Variants in SLIT3 observed in about 807,000 individuals in gnomAD.
SLIT3 encodes slit guidance ligand 3.
In SLIT3, 68 loss-of-function variants were observed where a neutral mutation model predicts 184.0. That is an observed-to-expected ratio of 0.37 (90% confidence interval 0.30 to 0.45). The LOEUF (loss-of-function observed/expected upper bound fraction) is 0.45, where lower values mean the gene tolerates loss of function less well. Ranked by LOEUF, SLIT3 falls within the 20% of genes least tolerant of loss-of-function variation. SLIT3 has a pLI of 1.00. For missense variants in SLIT3, 1,707 were observed against 2,026.0 expected (o/e 0.84, Z 3.02); for synonymous variants, 831 against 828.6 (o/e 1.00, Z -0.05).
chr5:169,019,992 C>A (rs1049041467), intron 4 of SLIT3, among the ~76,000 whole-genome samples: 1 of 152,118 alleles, frequency 6.6e-6, no homozygotes, highest in Admixed American at 6.5e-5. Flanking sequence ...AAATAAAGGC[C>A]ATTTCTCAGG....
chr5:168,872,637 C>CTT (rs1451310196), intron 5 of SLIT3, among the ~76,000 whole-genome samples: 2 of 111,134 alleles, frequency 1.8e-5, no homozygotes, highest in African/African-American at 3.4e-5. Context: ...TCTTCTTCTT[C>CTT]TTCTTTTTTT....
At chr5:169,272,086 C>A (rs979942721) in intron 1 of SLIT3, among the ~76,000 whole-genome samples, 1 of 152,208 alleles carries the variant, frequency 6.6e-6, no homozygotes, top group Admixed American at 6.5e-5. Context: ...TATAGGAGGC[C>A]CATGGGTAAG....
At chr5:169,226,371 T>C (rs1167416636) in intron 3 of SLIT3, among the ~76,000 whole-genome samples, 3 of 151,876 alleles carry the variant, frequency 2.0e-5, no homozygotes, top group Non-Finnish European at 2.9e-5. Flanking sequence ...ACTTCCAGGA[T>C]TGAACAAAAA....
At chr5:169,199,759 A>G (rs1353012402) in intron 3 of SLIT3, among the ~76,000 whole-genome samples, 2 of 152,194 alleles carry the variant, frequency 1.3e-5, no homozygotes, top group African/African-American at 4.8e-5. Flanking sequence ...GCTCTTACCT[A>G]CTATGTGTAG....
rs189772128 is a variant in SLIT3, at chr5:169,240,391, G to T, written c.341+4314C>A. ...TTTTTTTTTAGTTCTGTCAATATTT[G>T]CTTTCCATATTTTCAGGCTATGTTT... On this transcript the variant is annotated intron_variant, in intron 3 of 35. Transcript: ENST00000519560. Among the ~76,000 whole-genome samples the T allele has an allele frequency of 1.9e-3, 286 of 150,812 alleles. 2 individuals carry two copies. Among genetic ancestry groups the T allele is most frequent in the African/African-American group, 6.4e-3 (262 of 41,216 alleles).
At chr5:168,827,862 T>G (rs1288080611) in intron 6 of SLIT3, among the ~76,000 whole-genome samples, 1 of 152,244 alleles carries the variant, frequency 6.6e-6, no homozygotes, top group Non-Finnish European at 1.5e-5. Flanking sequence ...AAACTGGTTT[T>G]ACGCATTCAC....
Position 169,002,841 on chromosome 5 carries a change from T to C in SLIT3, c.414-119505A>G, listed in dbSNP as rs118080650. The stretch of plus-strand genomic sequence containing the variant: ...TACCTTATCCATTAATGACTCTTAT[T>C]TAAACATCTGTTTTATCCTCACCTT... On this transcript the variant is annotated intron_variant, in intron 4 of 35. Transcript: ENST00000519560. 3.5e-3 allele frequency among the ~76,000 whole-genome samples: 528 copies of C among 152,372 alleles called. 2 individuals carry two copies. Among genetic ancestry groups the C allele is most frequent in the Non-Finnish European group, 5.5e-3 (377 of 68,032 alleles).
chr5:169,139,296 G>T (rs1053195612), intron 4 of SLIT3, among the ~76,000 whole-genome samples: 14 of 152,208 alleles, frequency 9.2e-5, no homozygotes, highest in African/African-American at 3.4e-4. Context: ...AAGGATCCAA[G>T]AAGCACTATT....
At chr5:169,092,732 G>C (rs1193157453) in intron 4 of SLIT3, among the ~76,000 whole-genome samples, 1 of 152,192 alleles carries the variant, frequency 6.6e-6, no homozygotes, top group Non-Finnish European at 1.5e-5. Context: ...CAGCACCAGT[G>C]GTGGCAGTGC....
At chr5:168,836,868 C>G (rs1462893736) in intron 6 of SLIT3, among the ~76,000 whole-genome samples, 2 of 152,228 alleles carry the variant, frequency 1.3e-5, no homozygotes, top group East Asian at 3.9e-4. Context: ...TTTTGGTTAA[C>G]AGGAAAGTGA....
chr5:168,996,321 G>A (rs1176897749), intron 4 of SLIT3, among the ~76,000 whole-genome samples: 2 of 152,270 alleles, frequency 1.3e-5, no homozygotes, highest in South Asian at 2.1e-4. Context: ...GGACATCTGA[G>A]CTCCAACTAT....
At chr5:169,209,743 C>T (rs1489576438) in intron 3 of SLIT3, among the ~76,000 whole-genome samples, 1 of 151,968 alleles carries the variant, frequency 6.6e-6, no homozygotes, top group African/African-American at 2.4e-5. Flanking sequence ...GGGAGTTGAA[C>T]AACGAGAACA....
At chr5:169,043,283 C>T (rs1318251022) in intron 4 of SLIT3, among the ~76,000 whole-genome samples, 2 of 152,176 alleles carry the variant, frequency 1.3e-5, no homozygotes, top group African/African-American at 4.8e-5. Flanking sequence ...GGTCATACTC[C>T]AAAGCCTCAT....
intron 4 of SLIT3, among the ~76,000 whole-genome samples, chr5:169,030,739 C>T (rs1756998274): frequency 6.6e-6 from 1 of 152,122 alleles, no homozygotes; most frequent in Admixed American, 6.6e-5. Flanking sequence ...CTTATTTTAT[C>T]CACAAAACAA....
intron 4 of SLIT3, among the ~76,000 whole-genome samples, chr5:169,108,641 T>C (rs976792636): frequency 2.6e-5 from 4 of 152,148 alleles, no homozygotes; most frequent in Admixed American, 2.6e-4. Flanking sequence ...AGGACTCCTT[T>C]TAATGCTCTT....
intron 32 of SLIT3, among the ~76,000 whole-genome samples, chr5:168,675,480 G>A (rs144114009): frequency 5.9e-5 from 9 of 152,268 alleles, no homozygotes; most frequent in African/African-American, 9.6e-5. Context: ...TAGAACATCC[G>A]GTCTCAGTTT....
intron 3 of SLIT3, among the ~76,000 whole-genome samples, chr5:169,206,859 T>G (rs763905864): frequency 3.3e-5 from 5 of 152,192 alleles, no homozygotes; most frequent in Non-Finnish European, 7.3e-5. Context: ...GAATTTTTAT[T>G]TTCTCATAGC....
At chr5:169,117,922 A>G (rs1022674062) in intron 4 of SLIT3, among the ~76,000 whole-genome samples, 2 of 152,212 alleles carry the variant, frequency 1.3e-5, no homozygotes, top group Admixed American at 6.5e-5. Context: ...CATAACTAAG[A>G]AAAGACGCTC....
At chr5:168,707,141 A>T (rs1561885071) in intron 26 of SLIT3, 1 of 152,258 alleles carries the variant, frequency 6.6e-6, no homozygotes, top group Non-Finnish European at 1.5e-5. Flanking sequence ...CAGGGTCTTA[A>T]TCACAGCTCT....
Sources: allele counts gnomAD v4.1 joint callset (sites outside exome capture counted in the v4.1 genomes callset), GRCh38; gene constraint gnomAD v4.1.1; transcripts MANE v1.5; gene names NCBI Gene and HGNC (gene_info 2026-07-23, HGNC 2026-07-21).